The following B3GALT1 variants were observed in gnomAD, a reference collection of about 807,000 sequenced individuals.
B3GALT1 encodes beta-1,3-galactosyltransferase 1.
B3GALT1 carries 10 observed loss-of-function variants against 23.2 expected under a neutral mutation model. That is an observed-to-expected ratio of 0.43 (90% confidence interval 0.27 to 0.73). The LOEUF (loss-of-function observed/expected upper bound fraction) is 0.73, where lower values mean the gene tolerates loss of function less well. Ranked by LOEUF, B3GALT1 falls within the 30% of genes least tolerant of loss-of-function variation. B3GALT1 has a pLI of 0.21. For missense variants in B3GALT1, 299 were observed against 405.4 expected, an observed-to-expected ratio of 0.74 and a Z score of 2.25; for synonymous variants, 156 against 141.5, an observed-to-expected ratio of 1.10 and a Z score of -0.73.
chr2:167,594,347 T>C (rs1212358556), intron 2 of B3GALT1, among the ~76,000 whole-genome samples: 4 of 152,198 alleles, frequency 2.6e-5, no homozygotes, highest in South Asian at 2.1e-4. Flanking sequence ...TTTCTTTTAA[T>C]GTCAGGATGG....
chr2:167,689,983 T>C (rs1319388792), intron 3 of B3GALT1, among the ~76,000 whole-genome samples: 2 of 152,148 alleles, frequency 1.3e-5, no homozygotes, highest in African/African-American at 4.8e-5. Flanking sequence ...TAAGAAGACA[T>C]CGAGAAGTAA....
chr2:167,651,236 T>TTG (rs747590317), intron 3 of B3GALT1, among the ~76,000 whole-genome samples: 275 of 89,404 alleles, frequency 3.1e-3, no homozygotes, highest in African/African-American at 8.6e-3. Context: ...AGCAGAAAGG[T>TTG]TGTGTGTGTG....
intron 2 of B3GALT1, among the ~76,000 whole-genome samples, chr2:167,580,455 A>C (rs73026073): frequency 0.15 from 23,022 of 151,804 alleles, 2,947 homozygotes; most frequent in African/African-American, 0.35. Flanking sequence ...AAAACCAAAA[A>C]CAAACAAGCA....
intron 3 of B3GALT1, chr2:167,714,544 A>C: frequency 6.2e-7 from 1 of 1,613,086 alleles, no homozygotes; most frequent in Non-Finnish European, 8.5e-7. Context: ...TTGTATTTGA[A>C]ACATCAAGTG....
At chr2:167,714,944 T>C (rs1687120144) in intron 3 of B3GALT1, 1 of 1,611,534 alleles carries the variant, frequency 6.2e-7, no homozygotes, top group Non-Finnish European at 8.5e-7. Context: ...CTTCTGATTC[T>C]CACTTTCAAA....
Position 167,490,246 on chromosome 2 carries a change from C to T in B3GALT1, c.-441C>T, listed in dbSNP as rs1270580711. The T allele has an allele frequency of 1.3e-5, 2 of 152,020 alleles. No homozygotes were observed. Among genetic ancestry groups the T allele is most frequent in the Non-Finnish European group, 2.9e-5 (2 of 68,002 alleles). The allele number at this position is 152,020 out of a possible 1,614,324, so 9.4% of individuals were successfully genotyped here. On this transcript the variant is annotated 5_prime_UTR_variant, in exon 2 of 5. Coordinates refer to ENST00000392690, the MANE Select transcript of B3GALT1 (RefSeq NM_020981.4). Reference sequence around the variant, plus strand: ...GGATTTTGTGAAGACACAGATGCTCCCTAAAAGGAGTGCAGAAATTTTCAT... The same window carrying T: ...GGATTTTGTGAAGACACAGATGCTCTCTAAAAGGAGTGCAGAAATTTTCAT...
chr2:167,363,807 T>C (rs1697539418), intron 1 of B3GALT1, among the ~76,000 whole-genome samples: 1 of 152,102 alleles, frequency 6.6e-6, no homozygotes, highest in African/African-American at 2.4e-5. Context: ...GCAGAAATTC[T>C]CAAAACAGTT....
chr2:167,580,523 A>T (rs1393690773), intron 2 of B3GALT1, among the ~76,000 whole-genome samples: 1 of 152,120 alleles, frequency 6.6e-6, no homozygotes, highest in Admixed American at 6.5e-5. Context: ...CCCAATGAGA[A>T]ACTGTATCTA....
At chr2:167,540,776 G>A (rs1392249449) in intron 2 of B3GALT1, among the ~76,000 whole-genome samples, 1 of 151,870 alleles carries the variant, frequency 6.6e-6, no homozygotes, top group African/African-American at 2.4e-5. Flanking sequence ...TCTAATTCTG[G>A]GGAATTAAAT....
intron 3 of B3GALT1, among the ~76,000 whole-genome samples, chr2:167,687,018 C>T (rs987776492): frequency 1.3e-5 from 2 of 152,226 alleles, no homozygotes; most frequent in Admixed American, 6.5e-5. Context: ...AATATTCTGC[C>T]GTGGGTGTGT....
In B3GALT1 at chr2:167,563,145, G is replaced by A. The variant is rs553844142; in HGVS notation, c.-410+72868G>A. Among the ~76,000 whole-genome samples, 171 of 151,988 alleles carry A rather than the reference G, an allele frequency of 1.1e-3. 1 individual carries two copies. Among genetic ancestry groups the A allele is most frequent in the African/African-American group, 3.7e-3 (152 of 41,388 alleles). ...AAAACCGCCATTGTCATCATGGCCC[G>A]GTCTCAGTGAGCCGCTGGGCACACC... is the stretch of plus-strand genomic sequence containing the variant. On this transcript the variant is annotated intron_variant, in intron 2 of 4. Coordinates refer to ENST00000392690, the MANE Select transcript of B3GALT1 (RefSeq NM_020981.4).
chr2:167,329,832 A>T (rs1269944513), intron 1 of B3GALT1, among the ~76,000 whole-genome samples: 1 of 150,170 alleles, frequency 6.7e-6, no homozygotes, highest in African/African-American at 2.5e-5. Flanking sequence ...TTCCTCTTTC[A>T]GCCTTTGAAT....
chr2:167,519,389 A>G (rs1485337607), intron 2 of B3GALT1, among the ~76,000 whole-genome samples: 1 of 149,384 alleles, frequency 6.7e-6, no homozygotes. Flanking sequence ...ATTCATTTAG[A>G]TACATTTACT....
chr2:167,744,210 G>T (rs545882887), intron 3 of B3GALT1, among the ~76,000 whole-genome samples: 2 of 152,058 alleles, frequency 1.3e-5, no homozygotes, highest in Non-Finnish European at 2.9e-5. Flanking sequence ...CTAGTTGTGT[G>T]CAGGAGTCAA....
chr2:167,834,374 T>C (rs1459530282), intron 4 of B3GALT1, among the ~76,000 whole-genome samples: 1 of 152,210 alleles, frequency 6.6e-6, no homozygotes, highest in Non-Finnish European at 1.5e-5. Flanking sequence ...TTCCTTATTG[T>C]GCATCCTTTG....
intron 3 of B3GALT1, chr2:167,714,698 T>A (rs1382199797): frequency 1.2e-6 from 2 of 1,613,806 alleles, no homozygotes; most frequent in Non-Finnish European, 1.7e-6. Context: ...TTTTTTCTCG[T>A]AGGAAATAAC....
intron 1 of B3GALT1, among the ~76,000 whole-genome samples, chr2:167,352,082 C>T (rs531850463): frequency 8.1e-4 from 123 of 151,036 alleles, no homozygotes; most frequent in African/African-American, 2.9e-3. Flanking sequence ...GCCTCAGCCT[C>T]CTGAGTAGCT....
At chr2:167,321,702 C>G (rs1247494250) in intron 1 of B3GALT1, among the ~76,000 whole-genome samples, 1 of 151,952 alleles carries the variant, frequency 6.6e-6, no homozygotes, top group African/African-American at 2.4e-5. Context: ...TCATGCTTCC[C>G]CACGTGCATT....
intron 1 of B3GALT1, among the ~76,000 whole-genome samples, chr2:167,450,895 A>G (rs1699079234): frequency 6.6e-6 from 1 of 151,502 alleles, no homozygotes; most frequent in Admixed American, 6.6e-5. Context: ...ATTTTTTCTT[A>G]TCTTTTTTCT....
Sources: gnomAD v4.1 joint callset for allele counts (sites outside exome capture counted in the v4.1 genomes callset) on GRCh38, gnomAD v4.1.1 for gene constraint, MANE v1.5 for transcripts, NCBI Gene and HGNC (gene_info 2026-07-23, HGNC 2026-07-21) for gene names.